The following LRRC52 variants were observed in gnomAD, a reference collection of about 807,000 sequenced individuals.
LRRC52 encodes the protein leucine rich repeat containing 52.
LRRC52 carries 15 observed loss-of-function variants against 14.7 expected under a neutral mutation model. The observed-to-expected ratio is 1.02, with a 90% CI of 0.68 to 1.58. The LOEUF is 1.58. LRRC52 is among the 40% of genes most tolerant of loss of function. The probability of loss-of-function intolerance (pLI) is 0.00; values close to 1 mark genes in which losing one functional copy is unlikely to be tolerated. For missense variants in LRRC52, 400 were observed against 387.7 expected (o/e 1.03, Z -0.27); for synonymous variants, 180 against 163.9 (o/e 1.10, Z -0.75).
intron 1 of LRRC52, among the ~76,000 whole-genome samples, chr1:165,546,484 A>G (rs1661022282): frequency 6.6e-6 from 1 of 152,198 alleles, no homozygotes; most frequent in Non-Finnish European, 1.5e-5. Context: ...AGAAAGCACT[A>G]TCAAAGAGGT....
chr1:165,553,388 A>C (rs1365447139), intron 1 of LRRC52, among the ~76,000 whole-genome samples: 1 of 152,256 alleles, frequency 6.6e-6, no homozygotes, highest in East Asian at 1.9e-4. Flanking sequence ...TTCTGCTGGC[A>C]TGATGAGAGT....
intron 1 of LRRC52, among the ~76,000 whole-genome samples, chr1:165,549,467 C>T (rs1042521019): frequency 6.6e-6 from 1 of 152,208 alleles, no homozygotes; most frequent in African/African-American, 2.4e-5. Flanking sequence ...GAGGTTCATC[C>T]TTTTGGGTCC....
intron 1 of LRRC52, among the ~76,000 whole-genome samples, chr1:165,562,619 G>A (rs1474770521): frequency 6.6e-6 from 1 of 151,358 alleles, no homozygotes; most frequent in Non-Finnish European, 1.5e-5. Flanking sequence ...TCCTGCTGAA[G>A]TTTACAAAAT....
chr1:165,551,724 C>T (rs1003997152), intron 1 of LRRC52, among the ~76,000 whole-genome samples: 1 of 152,126 alleles, frequency 6.6e-6, no homozygotes, highest in Non-Finnish European at 1.5e-5. Context: ...TCATGTGCTG[C>T]TTCAGGTCCA....
At chr1:165,550,242 C>T (rs543260927) in intron 1 of LRRC52, among the ~76,000 whole-genome samples, 8 of 152,296 alleles carry the variant, frequency 5.3e-5, no homozygotes, top group Middle Eastern at 6.8e-3. Flanking sequence ...CTCGAAAACT[C>T]ACTCAAACTC....
Position 165,544,014 on chromosome 1 carries a change from A to C in LRRC52, c.-283A>C. 1 of 450,694 alleles carries C rather than the reference A, an allele frequency of 2.2e-6. No individual in the cohort carries two copies. The highest frequency in any genetic ancestry group is 1.9e-5 in the African/African-American group (1 of 51,626). The allele number at this position is 450,694 out of a possible 1,614,324, so 27.9% of individuals were successfully genotyped here. A position where few individuals can be genotyped will look rare whatever the true frequency, so the allele number is the denominator to read the frequency against. On this transcript the variant is annotated 5_prime_UTR_variant, in exon 1 of 2. Transcript: ENST00000294818. ...CTCCCCTGGCTCCCCTTCACTTGCA[A>C]ACGCAGGGAAAGGGTGAGACCTTTC...
chr1:165,563,853 C>T lies in LRRC52; in HGVS notation c.*29C>T, dbSNP rs1205918834. On this transcript the variant is annotated 3_prime_UTR_variant, in exon 2 of 2. Coordinates refer to ENST00000294818, the MANE Select transcript of LRRC52 (RefSeq NM_001005214.4). ...CCAGAGACCACTATCTTATGTGCCT[C>T]CCCCAGGCTCCCTGCTTTCTCTCTT... 6.3e-7 allele frequency: 1 copy of T among 1,592,032 alleles called. No homozygotes were observed. The highest frequency in any genetic ancestry group is 8.6e-7 in the Non-Finnish European group (1 of 1,165,866).
At chr1:165,559,898 G>A (rs1298696874) in intron 1 of LRRC52, among the ~76,000 whole-genome samples, 1 of 152,190 alleles carries the variant, frequency 6.6e-6, no homozygotes, top group Non-Finnish European at 1.5e-5. Flanking sequence ...GTTGTGAGTG[G>A]CTGGAGCCTA....
At position 165,544,214 on chromosome 1, in the gene LRRC52, G is replaced by A. The variant is rs1418904077; in HGVS notation, c.-83G>A. On this transcript the variant is annotated 5_prime_UTR_variant, in exon 1 of 2. Coordinates refer to ENST00000294818, the MANE Select transcript of LRRC52 (RefSeq NM_001005214.4). ...CAGTTCTTTCCAGAGCCCCTCCCCCGCCCCACCCCCCCACCGGCAGCCTTC... is the reference window on the plus strand; with the variant it reads ...CAGTTCTTTCCAGAGCCCCTCCCCCACCCCACCCCCCCACCGGCAGCCTTC... 130 of 407,578 alleles carry A rather than the reference G, an allele frequency of 3.2e-4. 4 individuals carry two copies. The highest frequency in any genetic ancestry group is 1.4e-3 in the African/African-American group (59 of 41,324). The allele number at this position is 407,578 out of a possible 1,614,324, so 25.2% of individuals were successfully genotyped here.
rs1338971490 is a variant in LRRC52, at chr1:165,544,172, A to C, written c.-125A>C. The C allele has an allele frequency of 1.6e-6, 2 of 1,235,932 alleles. No individual in the cohort carries two copies. The highest frequency in any genetic ancestry group is 1.1e-6 in the Non-Finnish European group (1 of 886,054). 76.6% of individuals were successfully genotyped at this position (1,235,932 alleles called of 1,614,324 possible). A position where few individuals can be genotyped will look rare whatever the true frequency, so the allele number is the denominator to read the frequency against. On this transcript the variant is annotated 5_prime_UTR_variant, in exon 1 of 2. Transcript: ENST00000294818. ...CTCCTGTAATGGAAAATTGCTTTGC[A>C]CAAAGCTAAAGTGTTACAGTTCTTT...
intron 1 of LRRC52, among the ~76,000 whole-genome samples, chr1:165,559,106 A>G (rs1661293788): frequency 6.6e-6 from 1 of 152,196 alleles, no homozygotes; most frequent in African/African-American, 2.4e-5. Flanking sequence ...TGTAAAGTGA[A>G]GGCCAGGTGT....
At chr1:165,552,982 CCTTA>C (rs1661164485) in intron 1 of LRRC52, among the ~76,000 whole-genome samples, 1 of 152,130 alleles carries the variant, frequency 6.6e-6, no homozygotes, top group African/African-American at 2.4e-5. Context: ...CCCATCTTGA[CCTTA>C]CTGAGTGGGA....
intron 1 of LRRC52, among the ~76,000 whole-genome samples, chr1:165,555,953 A>T (rs1357425942): frequency 6.6e-6 from 1 of 152,228 alleles, no homozygotes; most frequent in Non-Finnish European, 1.5e-5. Flanking sequence ...GAAGAAAAAA[A>T]TTTAATTTTT....
At chr1:165,553,906 T>C (rs1661184416) in intron 1 of LRRC52, among the ~76,000 whole-genome samples, 1 of 152,196 alleles carries the variant, frequency 6.6e-6, no homozygotes, top group African/African-American at 2.4e-5. Context: ...TCTATGAAGC[T>C]TCCATAACAC....
chr1:165,556,246 G>C lies in LRRC52; in HGVS notation c.623-7259G>C, dbSNP rs889155875. Among the ~76,000 whole-genome samples, 2 of 152,272 alleles carry C rather than the reference G, an allele frequency of 1.3e-5. 1 individual carries two copies. Among genetic ancestry groups the C allele is most frequent in the South Asian group, 4.1e-4 (2 of 4,822 alleles). On this transcript the variant is annotated intron_variant, in intron 1 of 1. Transcript: ENST00000294818. ...TGCCCATTTGCAACCAGTTATACACGAGACCAGTTCTGTAACCTAAAACAC... is the reference window on the plus strand; with the variant it reads ...TGCCCATTTGCAACCAGTTATACACCAGACCAGTTCTGTAACCTAAAACAC...
At chr1:165,545,923 T>C (rs1239536998) in intron 1 of LRRC52, among the ~76,000 whole-genome samples, 1 of 151,238 alleles carries the variant, frequency 6.6e-6, no homozygotes, top group African/African-American at 2.5e-5. Context: ...AGTTTCTGTC[T>C]TCCCTGGGTG....
chr1:165,557,868 C>T (rs890606386), intron 1 of LRRC52, among the ~76,000 whole-genome samples: 1 of 152,188 alleles, frequency 6.6e-6, no homozygotes, highest in African/African-American at 2.4e-5. Flanking sequence ...TGCCTAGATG[C>T]TCACCCCTCC....
intron 1 of LRRC52, among the ~76,000 whole-genome samples, chr1:165,560,143 CT>C (rs35157360): frequency 3.9e-5 from 6 of 152,182 alleles, no homozygotes; most frequent in African/African-American, 1.4e-4. Context: ...GCTGGGAATA[CT>C]TTTTTTCTCA....
At position 165,555,778 on chromosome 1, in the gene LRRC52, C is replaced by T. The variant is rs377286418; in HGVS notation, c.623-7727C>T. Among the ~76,000 whole-genome samples, 10 of 152,302 alleles carry T rather than the reference C, an allele frequency of 6.6e-5. No individual in the cohort carries two copies. The East Asian group carries it at 1.9e-3, about 29-fold the overall frequency. On this transcript the variant is annotated intron_variant, in intron 1 of 1. Coordinates refer to ENST00000294818, the MANE Select transcript of LRRC52 (RefSeq NM_001005214.4). ...GAAAGAGGAAGCAAACAATTTCTGC[C>T]TGATGTTTCTGCCTGGTGAACTGGT...
Sources: gnomAD v4.1 joint callset for allele counts (sites outside exome capture counted in the v4.1 genomes callset) on GRCh38, gnomAD v4.1.1 for gene constraint, MANE v1.5 for transcripts, NCBI Gene and HGNC (gene_info 2026-07-23, HGNC 2026-07-21) for gene names.